Variants in BCL2L13 observed in about 807,000 individuals in gnomAD.
The protein encoded by BCL2L13 is bcl-2-like protein 13.
BCL2L13 carries 13 observed loss-of-function variants against 25.8 expected under a neutral mutation model. The ratio of observed to expected loss-of-function variants is 0.50; its 90% CI spans 0.33 to 0.80. BCL2L13 has a LOEUF of 0.80. Ranked by LOEUF, BCL2L13 falls within the 30% of genes least tolerant of loss-of-function variation. The pLI is 0.02. For synonymous variants in BCL2L13, 244 were observed against 230.3 expected, an observed-to-expected ratio of 1.06 and a Z score of -0.54; for missense variants, 504 against 574.9, an observed-to-expected ratio of 0.88 and a Z score of 1.26.
intron 1 of BCL2L13, among the ~76,000 whole-genome samples, chr22:17,650,862 C>G (rs192872836): frequency 1.7e-3 from 261 of 152,206 alleles, no homozygotes; most frequent in Non-Finnish European, 2.9e-3. Flanking sequence ...CATGTGCCAC[C>G]ATGCCCAGTT....
chr22:17,706,703 G>A (rs2587086), intron 6 of BCL2L13: 244,677 of 1,350,502 alleles, frequency 0.18, 24,511 homozygotes, highest in Non-Finnish European at 0.21. Context: ...TGGTTCATGT[G>A]CTGTGATTCT....
rs1352352030 is a variant in BCL2L13 at position 17,638,803 on chromosome 22, C to A, written c.-134C>A. On this transcript the variant is annotated 5_prime_UTR_variant, in exon 1 of 7. Coordinates refer to ENST00000317582, the MANE Select transcript of BCL2L13 (RefSeq NM_015367.4). ...GGTAGATTAGGGCCGCGGGTCGGAG[C>A]ACTCACCGCCGCTGGGGGACCCTGT... The A allele has an allele frequency of 2.4e-5, 30 of 1,231,842 alleles. No homozygotes were observed. Among genetic ancestry groups the A allele is most frequent in the Admixed American group, 4.2e-5 (1 of 23,702 alleles). The allele number at this position is 1,231,842 out of a possible 1,614,324, so 76.3% of individuals were successfully genotyped here. A position where few individuals can be genotyped will look rare whatever the true frequency, so the allele number is the denominator to read the frequency against.
In BCL2L13 at chr22:17,693,333, GTTTATTTA is replaced by G. The variant is rs372912650; in HGVS notation, c.387-2783_387-2776del. On this transcript the variant is annotated intron_variant, in intron 4 of 6. Coordinates refer to ENST00000317582, the MANE Select transcript of BCL2L13 (RefSeq NM_015367.4). ...AGAGCAGAAAAATGCCTTTGGGGTA[GTTTATTTA>G]TTTATTTATTTATTTATTTATTTAG... Among the ~76,000 whole-genome samples the G allele has an allele frequency of 2.0e-3, 268 of 132,128 alleles. 5 individuals are homozygous for G. Among genetic ancestry groups the G allele is most frequent in the Admixed American group, 0.013 (168 of 12,960 alleles). 86.7% of individuals were successfully genotyped at this position (132,128 alleles called of 152,430 possible).
rs183625798 is a variant in BCL2L13 at position 17,689,566 on chromosome 22, C to T, written c.386+424C>T. 3.6e-4 allele frequency among the ~76,000 whole-genome samples: 55 copies of T among 152,194 alleles called. No homozygotes were observed. The South Asian group carries it at 7.9e-3, about 22-fold the overall frequency. On this transcript the variant is annotated intron_variant, in intron 4 of 6. Transcript: ENST00000317582. Reference sequence around the variant, plus strand: ...ATTCTGTATTTAACATTTTATTGACCGGGCGCGGTGGCTCACGCCTGTAAT... The same window carrying T: ...ATTCTGTATTTAACATTTTATTGACTGGGCGCGGTGGCTCACGCCTGTAAT...
At chr22:17,639,438 C>T (rs540769477) in intron 1 of BCL2L13, among the ~76,000 whole-genome samples, 1 of 152,322 alleles carries the variant, frequency 6.6e-6, no homozygotes, top group Admixed American at 6.5e-5. Context: ...ACAGTTCACA[C>T]GGAGTCATTT....
chr22:17,718,497 C>T (rs1328566823), intron 6 of BCL2L13, among the ~76,000 whole-genome samples: 1 of 152,104 alleles, frequency 6.6e-6, no homozygotes, highest in African/African-American at 2.4e-5. Flanking sequence ...TTGTGAGGTA[C>T]TCTTTGTTAG....
chr22:17,646,493 C>T (rs2058476655), intron 1 of BCL2L13, among the ~76,000 whole-genome samples: 1 of 150,908 alleles, frequency 6.6e-6, no homozygotes, highest in African/African-American at 2.5e-5. Context: ...AGGTGATCCG[C>T]CCACCGCACC....
intron 2 of BCL2L13, 66 bp from the exon 3 acceptor site, chr22:17,683,148 A>AAAAT: frequency 1.1e-6 from 1 of 876,368 alleles, no homozygotes; most frequent in Non-Finnish European, 1.8e-6. Flanking sequence ...AAAAAAAAAA[A>AAAAT]GTGCTATTAT....
chr22:17,646,737 T>TTTG (rs397935438), intron 1 of BCL2L13, among the ~76,000 whole-genome samples: 1 of 138,242 alleles, frequency 7.2e-6, no homozygotes, highest in African/African-American at 2.7e-5. Context: ...TTTTTTTTTT[T>TTTG]GAGATAGAGT....
At position 17,722,378 on chromosome 22, in the gene BCL2L13, G is replaced by GGTGT. The variant is rs71315401; in HGVS notation, c.601-4260_601-4257dup. Among the ~76,000 whole-genome samples the GGTGT allele has an allele frequency of 1.2e-3, 148 of 122,104 alleles. 1 individual carries two copies. Among genetic ancestry groups the GGTGT allele is most frequent in the South Asian group, 4.2e-3 (18 of 4,266 alleles). 80.1% of individuals were successfully genotyped at this position (122,104 alleles called of 152,430 possible). A position where few individuals can be genotyped will look rare whatever the true frequency, so the allele number is the denominator to read the frequency against. On this transcript the variant is annotated intron_variant, in intron 6 of 6. Coordinates refer to ENST00000317582, the MANE Select transcript of BCL2L13 (RefSeq NM_015367.4). ...TGAGTTGAGTAGATGAGACTACAGGGGTGTGTGTGTGTGTGTGTGTGTGTG... is the reference window on the plus strand; with the variant it reads ...TGAGTTGAGTAGATGAGACTACAGGGGTGTGTGTGTGTGTGTGTGTGTGTGTGTG...
intron 4 of BCL2L13, among the ~76,000 whole-genome samples, chr22:17,693,379 T>TAG (rs959693332): frequency 0.11 from 10,011 of 94,626 alleles, 429 homozygotes; most frequent in Non-Finnish European, 0.14. Context: ...TTTGTTTTTT[T>TAG]TTTTTTTTTT....
At chr22:17,678,706 G>A (rs1311666822) in intron 2 of BCL2L13, among the ~76,000 whole-genome samples, 1 of 152,130 alleles carries the variant, frequency 6.6e-6, no homozygotes, top group African/African-American at 2.4e-5. Flanking sequence ...CTGTTGTCCT[G>A]CCCTTCCTGA....
At chr22:17,677,601 C>T (rs1166545492) in intron 2 of BCL2L13, among the ~76,000 whole-genome samples, 2 of 152,038 alleles carry the variant, frequency 1.3e-5, no homozygotes, top group East Asian at 3.9e-4. Context: ...CAGCTGGGCG[C>T]GGTGGCTCAC....
At chr22:17,711,258 T>G (rs1278130113) in intron 6 of BCL2L13, among the ~76,000 whole-genome samples, 4 of 151,968 alleles carry the variant, frequency 2.6e-5, no homozygotes, top group Non-Finnish European at 4.4e-5. Flanking sequence ...CATTTTACTT[T>G]TAATTTTCAG....
At chr22:17,701,915 CAAA>C (rs5844321) in intron 5 of BCL2L13, among the ~76,000 whole-genome samples, 18 of 104,434 alleles carry the variant, frequency 1.7e-4, no homozygotes, top group African/African-American at 2.8e-4. Flanking sequence ...GACTCCATCT[CAAA>C]AAAAAAAAAA....
At chr22:17,675,127 C>T (rs1028337143) in intron 2 of BCL2L13, among the ~76,000 whole-genome samples, 1 of 152,076 alleles carries the variant, frequency 6.6e-6, no homozygotes, top group African/African-American at 2.4e-5. Context: ...ATATTTAGTT[C>T]CAGGAATCTT....
intron 2 of BCL2L13, among the ~76,000 whole-genome samples, chr22:17,658,555 A>G (rs9618087): frequency 0.11 from 17,003 of 151,854 alleles, 1,137 homozygotes; most frequent in African/African-American, 0.16. Context: ...TTAGCCGGGC[A>G]TGGTGGCACA....
At chr22:17,676,411 C>T (rs923423989) in intron 2 of BCL2L13, among the ~76,000 whole-genome samples, 5 of 151,992 alleles carry the variant, frequency 3.3e-5, no homozygotes, top group African/African-American at 7.2e-5. Flanking sequence ...TGCAGTGAGC[C>T]GAGACTGCAC....
chr22:17,704,247 A>C (rs531734283), intron 6 of BCL2L13, among the ~76,000 whole-genome samples: 1 of 152,124 alleles, frequency 6.6e-6, no homozygotes, highest in African/African-American at 2.4e-5. Context: ...CACCATGACC[A>C]GCTACTTTTT....
Sources: gnomAD v4.1 joint callset for allele counts (sites outside exome capture counted in the v4.1 genomes callset) on GRCh38, gnomAD v4.1.1 for gene constraint, MANE v1.5 for transcripts, NCBI Gene and HGNC (gene_info 2026-07-23, HGNC 2026-07-21) for gene names.